Variants in NR1I3 observed in about 807,000 individuals in gnomAD.
NR1I3 encodes the protein constitutive activator of retinoid response.
A neutral mutation model predicts 38.4 loss-of-function variants in NR1I3; 30 were observed. The ratio of observed to expected loss-of-function variants is 0.78; its 90% CI spans 0.58 to 1.06. NR1I3 has a LOEUF of 1.06. Among genes scored for constraint, NR1I3 ranks in the 50% least tolerant of loss-of-function variants. The pLI, the probability that NR1I3 is intolerant of heterozygous loss-of-function variation, is 0.00. For missense variants in NR1I3, 388 were observed against 435.7 expected (o/e 0.89, Z 0.97); for synonymous variants, 143 against 165.1 (o/e 0.87, Z 1.03).
chr1:161,230,024 T>G, intron 8 of NR1I3, 98 bp from the exon 9 acceptor site: 1 of 1,415,286 alleles, frequency 7.1e-7, no homozygotes, highest in Non-Finnish European at 9.8e-7. Context: ...TATTCCTCAG[T>G]GAAGCCAGGT....
At position 161,236,401 on chromosome 1, in the gene NR1I3, GCTGA is replaced by G. The variant is rs990552010; in HGVS notation, c.107+54_107+57del. 1.5e-5 allele frequency: 24 copies of G among 1,602,802 alleles called. No individual in the cohort carries two copies. In the African/African-American group the frequency reaches 2.7e-4, roughly 18 times the overall value. On this transcript the variant is annotated intron_variant, in intron 2 of 8. Transcript: ENST00000367983. ...CTTGGGCACCAGCGAGGGTGTAAAG[GCTGA>G]CTAATAGGGAGTTTGGTTTGGAGGG...
intron 3 of NR1I3, 109 bp downstream of exon 3, chr1:161,235,738 C>G: frequency 7.1e-7 from 1 of 1,403,402 alleles, no homozygotes; most frequent in Non-Finnish European, 9.8e-7. Flanking sequence ...CATAATCCAA[C>G]TAGTTTCAAA....
At chr1:161,233,937 A>ATGTATATATGTGTATACATGTATATATG (rs1558119895) in intron 3 of NR1I3, among the ~76,000 whole-genome samples, 1 of 143,570 alleles carries the variant, frequency 7.0e-6, no homozygotes, top group Non-Finnish European at 1.5e-5. Flanking sequence ...ATGTGTATAC[A>ATGTATATATGTGTATACATGTATATATG]TGTATATATG....
At chr1:161,235,621 AG>A in intron 3 of NR1I3, 2 of 457,604 alleles carry the variant, frequency 4.4e-6, no homozygotes, top group South Asian at 4.3e-5. Flanking sequence ...GGTTGAGTAA[AG>A]GGGGAAGAGT....
intron 3 of NR1I3, among the ~76,000 whole-genome samples, chr1:161,233,802 C>A: frequency 6.7e-6 from 1 of 148,948 alleles, no homozygotes; most frequent in African/African-American, 2.5e-5. Flanking sequence ...TGAAACAACC[C>A]CAGGATAGGC....
At chr1:161,230,120 C>T (rs1666805251) in intron 8 of NR1I3, 194 bp from the exon 9 acceptor site, 1 of 603,744 alleles carries the variant, frequency 1.7e-6, no homozygotes, top group Non-Finnish European at 2.9e-6. Flanking sequence ...CTGACACTGT[C>T]TTCTCTCACC....
chr1:161,234,276 T>A (rs1668128152), intron 3 of NR1I3, among the ~76,000 whole-genome samples: 1 of 152,058 alleles, frequency 6.6e-6, no homozygotes, highest in African/African-American at 2.4e-5. Context: ...GTGCTGGGAT[T>A]ACAGGCGTGA....
At position 161,233,196 on chromosome 1, in the gene NR1I3, G is replaced by T; in HGVS notation, c.381C>A (p.Thr127=). ...LLGAHTRHMG[T]MFEQFVQFRP... ...TAAACTGCACAAACTGTTCAAACAT[G>T]GTGCCCATGTGGCGGGTGTGGGCCC... Residue 127 remains threonine (T), a synonymous_variant, in exon 4 of 9, where the codon ACC becomes ACA. Transcript: ENST00000367983. The T allele has an allele frequency of 6.2e-7, 1 of 1,614,196 alleles. No homozygotes were observed. Among genetic ancestry groups the T allele is most frequent in the Non-Finnish European group, 8.5e-7 (1 of 1,180,034 alleles).
chr1:161,233,041 C>T (rs2102149504), intron 4 of NR1I3, 95 bp from the exon 5 acceptor site: 1 of 1,583,102 alleles, frequency 6.3e-7, no homozygotes, highest in South Asian at 1.1e-5. Context: ...TGCTGAGAAG[C>T]CTGCTCAGGC....
intron 1 of NR1I3, among the ~76,000 whole-genome samples, chr1:161,237,713 A>G (rs1366890578): frequency 1.3e-5 from 2 of 152,016 alleles, no homozygotes; most frequent in East Asian, 3.9e-4. Context: ...GCGAGACTCC[A>G]TCTCAAAAAA....
In NR1I3 at chr1:161,235,788, G is replaced by A. The variant is rs1668497143; in HGVS notation, c.238+59C>T. ...TGCTATGTAGAGAATGCACTGTTGG[G>A]AACAAGGACAAAGACAGACGCAGTC... is the stretch of plus-strand genomic sequence containing the variant. On this transcript the variant is annotated intron_variant, in intron 3 of 8. Transcript: ENST00000367983. 2.5e-6 allele frequency: 4 copies of A among 1,608,580 alleles called. No homozygotes were observed. In the East Asian group the frequency reaches 8.9e-5, roughly 36 times the overall value.
intron 1 of NR1I3, among the ~76,000 whole-genome samples, chr1:161,237,728 C>CA (rs145837678): frequency 0.016 from 2,453 of 151,506 alleles, 45 homozygotes; most frequent in South Asian, 0.059. Flanking sequence ...AAAAAAAACC[C>CA]AAAAAAACAA....
intron 2 of NR1I3, 139 bp from the exon 3 acceptor site, chr1:161,236,116 G>C: frequency 1.1e-6 from 1 of 923,298 alleles, no homozygotes; most frequent in South Asian, 1.7e-5. Flanking sequence ...GGGGTGGATA[G>C]TATCCAACAC....
chr1:161,236,410 T>A, intron 2 of NR1I3, 49 bp downstream of exon 2: 1 of 1,609,840 alleles, frequency 6.2e-7, no homozygotes, highest in Middle Eastern at 1.7e-4. Context: ...GGCTGACTAA[T>A]AGGGAGTTTG....
At chr1:161,230,001 T>G in intron 8 of NR1I3, 75 bp from the exon 9 acceptor site, 1 of 1,551,198 alleles carries the variant, frequency 6.4e-7, no homozygotes, top group East Asian at 2.2e-5. Context: ...CTCTAGGCCC[T>G]GATCCCCTGA....
intron 8 of NR1I3, 146 bp from the exon 9 acceptor site, chr1:161,230,072 C>T: frequency 2.1e-6 from 2 of 971,014 alleles, no homozygotes; most frequent in Non-Finnish European, 1.5e-6. Flanking sequence ...GTATGACAGA[C>T]TATCAGAGGT....
intron 4 of NR1I3, 41 bp from the exon 5 acceptor site, chr1:161,232,987 G>T: frequency 6.2e-7 from 1 of 1,611,164 alleles, no homozygotes; most frequent in South Asian, 1.1e-5. Flanking sequence ...CTGGCCCTAG[G>T]GCCCTCCTTT....
In NR1I3 at chr1:161,236,108, G is replaced by A. The variant is rs6686001; in HGVS notation, c.108-131C>T. 4.1e-5 allele frequency: 43 copies of A among 1,046,480 alleles called. 2 individuals are homozygous for A. In the South Asian group the frequency reaches 7.0e-4, roughly 17 times the overall value. 64.8% of individuals were successfully genotyped at this position (1,046,480 alleles called of 1,614,324 possible). On this transcript the variant is annotated intron_variant, in intron 2 of 8. Transcript: ENST00000367983. The stretch of plus-strand genomic sequence containing the variant: ...TGAGCTGTGCCCAAAGGTCCCCAGG[G>A]GTGGATAGTATCCAACACATCTCAA...
intron 4 of NR1I3, 77 bp from the exon 5 acceptor site, chr1:161,233,023 G>A: frequency 1.9e-6 from 3 of 1,595,236 alleles, no homozygotes; most frequent in Non-Finnish European, 2.6e-6. Flanking sequence ...TATCTTGGAA[G>A]AGTTCCTTGC....
Sources: allele counts gnomAD v4.1 joint callset (sites outside exome capture counted in the v4.1 genomes callset), GRCh38; gene constraint gnomAD v4.1.1; transcripts MANE v1.5; gene names NCBI Gene and HGNC (gene_info 2026-07-23, HGNC 2026-07-21).